The following CR1L variants were observed in gnomAD, a reference collection of about 807,000 sequenced individuals.
CR1L encodes complement C3b/C4b receptor 1 like.
A neutral mutation model predicts 62.3 loss-of-function variants in CR1L; 59 were observed. The observed-to-expected ratio is 0.95, with a 90% CI of 0.77 to 1.18. The LOEUF (loss-of-function observed/expected upper bound fraction) is 1.18. CR1L is among the 50% of genes most tolerant of loss of function. CR1L has a pLI of 0.00. For missense variants in CR1L, 700 were observed against 702.8 expected, an observed-to-expected ratio of 1.00 and a Z score of 0.04; for synonymous variants, 279 against 248.7, an observed-to-expected ratio of 1.12 and a Z score of -1.15.
chr1:207,692,850 C>A (rs1003188161), intron 4 of CR1L, among the ~76,000 whole-genome samples: 1 of 152,104 alleles, frequency 6.6e-6, no homozygotes, highest in Non-Finnish European at 1.5e-5. Flanking sequence ...TTTTCTCTAT[C>A]ATAAAGATCC....
At chr1:207,662,355 C>A (rs1663439507) in intron 1 of CR1L, among the ~76,000 whole-genome samples, 6 of 152,074 alleles carry the variant, frequency 3.9e-5, no homozygotes, top group Admixed American at 3.9e-4. Context: ...TCTTTTTATT[C>A]TTTTTTCTCT....
chr1:207,714,306 G>C (rs1422166923), intron 10 of CR1L, among the ~76,000 whole-genome samples: 2 of 152,148 alleles, frequency 1.3e-5, no homozygotes, highest in Non-Finnish European at 2.9e-5. Context: ...TCAAAGGTGG[G>C]CACAACAGTG....
At chr1:207,685,089 C>T (rs2102462957) in intron 4 of CR1L, among the ~76,000 whole-genome samples, 1 of 152,208 alleles carries the variant, frequency 6.6e-6, no homozygotes, top group African/African-American at 2.4e-5. Flanking sequence ...TAGGAATTTT[C>T]TTGGAAATAT....
At chr1:207,677,765 A>G (rs1663720728) in intron 2 of CR1L, among the ~76,000 whole-genome samples, 197 bp downstream of exon 2, 1 of 152,216 alleles carries the variant, frequency 6.6e-6, no homozygotes, top group Non-Finnish European at 1.5e-5. Context: ...TTATTTCATG[A>G]GAAACCGTCA....
intron 3 of CR1L, among the ~76,000 whole-genome samples, chr1:207,681,019 A>G (rs1663786902): frequency 6.6e-6 from 1 of 152,206 alleles, no homozygotes; most frequent in African/African-American, 2.4e-5. Flanking sequence ...TGTGTGCTCA[A>G]ATAAACTCTA....
At chr1:207,676,388 C>T (rs1320717406) in intron 1 of CR1L, among the ~76,000 whole-genome samples, 1 of 152,156 alleles carries the variant, frequency 6.6e-6, no homozygotes. Flanking sequence ...CCAAGCATTA[C>T]TGCCTGAGCT....
chr1:207,721,876 T>C (rs1654143196), intron 11 of CR1L, among the ~76,000 whole-genome samples: 1 of 115,120 alleles, frequency 8.7e-6, no homozygotes, highest in Non-Finnish European at 1.8e-5. Flanking sequence ...TTTTTAATGA[T>C]TGCCATTCTA....
At chr1:207,703,629 C>G (rs1453976047) in intron 9 of CR1L, among the ~76,000 whole-genome samples, 1 of 152,184 alleles carries the variant, frequency 6.6e-6, no homozygotes, top group African/African-American at 2.4e-5. Flanking sequence ...ATTCTGCAGC[C>G]CATGGCTGAG....
intron 1 of CR1L, among the ~76,000 whole-genome samples, chr1:207,653,340 C>A (rs1348135934): frequency 7.2e-5 from 11 of 152,184 alleles, no homozygotes; most frequent in Middle Eastern, 3.2e-3. Context: ...TTTATGGAGA[C>A]AGCAAAGACG....
At chr1:207,654,984 C>A (rs940995015) in intron 1 of CR1L, among the ~76,000 whole-genome samples, 2 of 152,160 alleles carry the variant, frequency 1.3e-5, no homozygotes, top group African/African-American at 4.8e-5. Context: ...TTTTTGCTCT[C>A]GGCCAATATA....
At chr1:207,657,436 CTA>C (rs549000807) in intron 1 of CR1L, 141 of 570,358 alleles carry the variant, frequency 2.5e-4, no homozygotes, top group African/African-American at 2.3e-3. Flanking sequence ...GTAATTGGAT[CTA>C]ATTTATTTTA....
intron 3 of CR1L, among the ~76,000 whole-genome samples, chr1:207,680,297 T>A (rs1034391430): frequency 9.9e-5 from 15 of 152,170 alleles, no homozygotes; most frequent in Non-Finnish European, 1.8e-4. Context: ...TATTTTTTTT[T>A]AAACTACATA....
At chr1:207,683,482 T>C (rs2102461943) in intron 3 of CR1L, among the ~76,000 whole-genome samples, 1 of 152,284 alleles carries the variant, frequency 6.6e-6, no homozygotes. Flanking sequence ...TGCATCCATA[T>C]ATTAATACTT....
chr1:207,651,657 G>A (rs1663225834), intron 1 of CR1L, among the ~76,000 whole-genome samples: 1 of 148,612 alleles, frequency 6.7e-6, no homozygotes, highest in Non-Finnish European at 1.5e-5. Context: ...AAATGATAGG[G>A]AGAAAAAAAA....
chr1:207,708,142 T>G (rs776165325), intron 9 of CR1L, 36 bp from the exon 10 acceptor site: 2 of 1,477,288 alleles, frequency 1.4e-6, no homozygotes, highest in Admixed American at 2.1e-5. Context: ...TGATGAGGTA[T>G]GTACAGCACA....
At chr1:207,679,466 G>A (rs1378427947) in intron 3 of CR1L, among the ~76,000 whole-genome samples, 1 of 152,098 alleles carries the variant, frequency 6.6e-6, no homozygotes, top group African/African-American at 2.4e-5. Flanking sequence ...GGGGTGAGGG[G>A]AACATAATTC....
chr1:207,678,632 T>C (rs779778959), intron 3 of CR1L, among the ~76,000 whole-genome samples: 49 of 152,188 alleles, frequency 3.2e-4, no homozygotes, highest in Non-Finnish European at 6.5e-4. Context: ...GGGAAGGCCA[T>C]TGAGCAGCTG....
At chr1:207,669,512 G>A (rs1056566212) in intron 1 of CR1L, 9 of 1,582,020 alleles carry the variant, frequency 5.7e-6, no homozygotes, top group Non-Finnish European at 7.7e-6. Flanking sequence ...CCCTTCTGCT[G>A]CGGAGGATCC....
chr1:207,685,076 G>C (rs1663878488), intron 4 of CR1L, among the ~76,000 whole-genome samples: 1 of 151,944 alleles, frequency 6.6e-6, no homozygotes, highest in South Asian at 2.1e-4. Flanking sequence ...CATGGAATTG[G>C]AATAGGAATT....
Sources: gnomAD v4.1 joint callset for allele counts (sites outside exome capture counted in the v4.1 genomes callset) on GRCh38, gnomAD v4.1.1 for gene constraint, MANE v1.5 for transcripts, NCBI Gene and HGNC (gene_info 2026-07-23, HGNC 2026-07-21) for gene names.